The following BORCS5 variants were observed in gnomAD, a reference collection of about 807,000 sequenced individuals.
The protein encoded by BORCS5 is BLOC-1-related complex subunit 5.
BORCS5 carries 17 observed loss-of-function variants against 22.1 expected under a neutral mutation model. The observed-to-expected ratio is 0.77, with a 90% CI of 0.53 to 1.15. The LOEUF (loss-of-function observed/expected upper bound fraction) is 1.15. Ranked by LOEUF, BORCS5 falls within the 50% of genes most tolerant of loss-of-function variation. The pLI, the probability that BORCS5 is intolerant of heterozygous loss-of-function variation, is 0.00. For synonymous variants in BORCS5, 117 were observed against 99.8 expected (o/e 1.17, Z -1.03); for missense variants, 247 against 253.2 (o/e 0.98, Z 0.17).
chr12:12,438,385 A>AAACAAC (rs1555156049), intron 3 of BORCS5, among the ~76,000 whole-genome samples: 13 of 126,142 alleles, frequency 1.0e-4, no homozygotes, highest in African/African-American at 3.6e-4. Context: ...AAAAAACGAA[A>AAACAAC]AACAACAACA....
At chr12:12,443,413 C>G (rs1016279304) in intron 3 of BORCS5, among the ~76,000 whole-genome samples, 1 of 152,220 alleles carries the variant, frequency 6.6e-6, no homozygotes, top group Non-Finnish European at 1.5e-5. Flanking sequence ...TAGTTTCCCC[C>G]CTTCTTGTCC....
intron 2 of BORCS5, among the ~76,000 whole-genome samples, chr12:12,428,946 A>G (rs572701488): frequency 6.6e-6 from 1 of 152,228 alleles, no homozygotes; most frequent in Non-Finnish European, 1.5e-5. Context: ...TTCAAGGTTC[A>G]TTCTCTATTA....
At chr12:12,389,385 G>A (rs1032526300) in intron 2 of BORCS5, among the ~76,000 whole-genome samples, 2 of 150,758 alleles carry the variant, frequency 1.3e-5, no homozygotes, top group Admixed American at 6.6e-5. Context: ...TGATCCACCC[G>A]CCTTGGCCTC....
intron 3 of BORCS5, among the ~76,000 whole-genome samples, chr12:12,449,464 T>A (rs1356169105): frequency 6.6e-6 from 1 of 152,216 alleles, no homozygotes; most frequent in African/African-American, 2.4e-5. Flanking sequence ...ATAATCTGCC[T>A]GTTTAGTTTT....
At chr12:12,393,422 C>G (rs1260144563) in intron 2 of BORCS5, among the ~76,000 whole-genome samples, 1 of 151,910 alleles carries the variant, frequency 6.6e-6, no homozygotes, top group Non-Finnish European at 1.5e-5. Context: ...AAAGCCCCCA[C>G]TGAATTGCTG....
chr12:12,383,606 T>G (rs2136047204), intron 2 of BORCS5, among the ~76,000 whole-genome samples: 1 of 151,052 alleles, frequency 6.6e-6, no homozygotes, highest in Admixed American at 6.6e-5. Flanking sequence ...TCTTTGTCTT[T>G]TTTTTTTTTG....
chr12:12,465,801 G>C lies in BORCS5; in HGVS notation c.*25G>C, dbSNP rs760847941. 3 of 1,582,996 alleles carry C rather than the reference G, an allele frequency of 1.9e-6. No homozygotes were observed. The highest frequency in any genetic ancestry group is 2.6e-6 in the Non-Finnish European group (3 of 1,159,496). On this transcript the variant is annotated 3_prime_UTR_variant, in exon 4 of 4. Coordinates refer to ENST00000314565, the MANE Select transcript of BORCS5 (RefSeq NM_058169.6). ...GCTGCTGCCCGGCCTGCCTGGGGCT[G>C]GGAGCCCCAGACACCGACACCCTGA...
intron 3 of BORCS5, among the ~76,000 whole-genome samples, chr12:12,462,189 C>CA (rs1436484221): frequency 6.6e-6 from 1 of 152,202 alleles, no homozygotes; most frequent in Non-Finnish European, 1.5e-5. Context: ...ACCCAGTGCT[C>CA]ACTGTGTGCT....
intron 2 of BORCS5, among the ~76,000 whole-genome samples, chr12:12,370,557 C>T (rs1007815880): frequency 6.6e-6 from 1 of 152,134 alleles, no homozygotes; most frequent in Admixed American, 6.6e-5. Context: ...ATTCCTTCTA[C>T]ATTTATTAGT....
chr12:12,384,930 A>G (rs1863849852), intron 2 of BORCS5, among the ~76,000 whole-genome samples: 1 of 151,076 alleles, frequency 6.6e-6, no homozygotes, highest in Admixed American at 6.6e-5. Flanking sequence ...AAACTTGCTT[A>G]TATCTTTACA....
intron 3 of BORCS5, among the ~76,000 whole-genome samples, chr12:12,439,660 C>T (rs1942640999): frequency 6.6e-6 from 1 of 152,198 alleles, no homozygotes; most frequent in East Asian, 1.9e-4. Context: ...GTTTGAAGAA[C>T]TTTGGGATTC....
chr12:12,444,734 C>T (rs1227512378), intron 3 of BORCS5, among the ~76,000 whole-genome samples: 2 of 152,024 alleles, frequency 1.3e-5, no homozygotes, highest in Admixed American at 1.3e-4. Flanking sequence ...AACCAAGTGA[C>T]ATTAGGAACA....
At chr12:12,419,442 C>T (rs1942057322) in intron 2 of BORCS5, among the ~76,000 whole-genome samples, 1 of 152,182 alleles carries the variant, frequency 6.6e-6, no homozygotes, top group African/African-American at 2.4e-5. Context: ...TCCAGTCTAT[C>T]ATTGATGGAC....
chr12:12,386,830 G>A (rs1241699743), intron 2 of BORCS5, among the ~76,000 whole-genome samples: 1 of 150,910 alleles, frequency 6.6e-6, no homozygotes, highest in Non-Finnish European at 1.5e-5. Context: ...GTCTGCTTTA[G>A]GATTGAGTCT....
At chr12:12,453,219 T>G (rs573350126) in intron 3 of BORCS5, among the ~76,000 whole-genome samples, 30 of 152,250 alleles carry the variant, frequency 2.0e-4, no homozygotes, top group Admixed American at 1.2e-3. Context: ...ATATATAGTT[T>G]TTATTTTTTA....
At chr12:12,431,494 C>T (rs372410007) in intron 2 of BORCS5, among the ~76,000 whole-genome samples, 79 of 151,206 alleles carry the variant, frequency 5.2e-4, no homozygotes, top group African/African-American at 1.7e-3. Context: ...GCTCCGCCTC[C>T]GGGTTCAAGC....
At chr12:12,405,026 G>A (rs564005791) in intron 2 of BORCS5, among the ~76,000 whole-genome samples, 1 of 152,254 alleles carries the variant, frequency 6.6e-6, no homozygotes, top group South Asian at 2.1e-4. Context: ...GTAAGTCTAC[G>A]AGGCACCATA....
At chr12:12,437,981 T>A (rs10845542) in intron 3 of BORCS5, among the ~76,000 whole-genome samples, 60,300 of 151,866 alleles carry the variant, frequency 0.4, 12,798 homozygotes, top group Non-Finnish European at 0.48. Flanking sequence ...CTCCCGCCTC[T>A]GCCTCCCAAA....
chr12:12,364,833 G>T (rs1308076183), intron 2 of BORCS5, among the ~76,000 whole-genome samples: 1 of 152,192 alleles, frequency 6.6e-6, no homozygotes, highest in East Asian at 1.9e-4. Flanking sequence ...CGGGCATGGT[G>T]GTGGGCACCT....
Sources: gnomAD v4.1 joint callset for allele counts (sites outside exome capture counted in the v4.1 genomes callset) on GRCh38, gnomAD v4.1.1 for gene constraint, MANE v1.5 for transcripts, NCBI Gene and HGNC (gene_info 2026-07-23, HGNC 2026-07-21) for gene names.